The following KNDC1 variants were observed in gnomAD, a reference collection of about 807,000 sequenced individuals.
The protein encoded by KNDC1 is kinase non-catalytic C-lobe domain containing 1, also known as kinase non-catalytic C-lobe domain-containing protein 1.
In KNDC1, 106 loss-of-function variants were observed where a neutral mutation model predicts 172.8. The observed-to-expected ratio is 0.61, with a 90% CI of 0.52 to 0.72. The LOEUF is 0.72. Ranked by LOEUF, KNDC1 falls within the 30% of genes least tolerant of loss-of-function variation. The pLI is 0.00. For missense variants in KNDC1, 2,325 were observed against 2,394.5 expected (o/e 0.97, Z 0.61); for synonymous variants, 1,083 against 1,062.2 (o/e 1.02, Z -0.38).
Position 133,200,438 on chromosome 10 carries a change from G to A in KNDC1, c.2967G>A (p.Lys989=). ...GSQSPRSPSS[K]RPSLHRLGKE... The stretch of plus-strand genomic sequence containing the variant: ...AAAGCCCCCGCTCCCCGTCCAGCAA[G>A]AGGCCGTCGCTGCACCGCCTGGGTA... Residue 989 remains lysine, a synonymous_variant, in exon 16 of 30, where the codon AAG becomes AAA. Transcript: ENST00000304613. The A allele has an allele frequency of 6.3e-7, 1 of 1,592,524 alleles. No homozygotes were observed. The highest frequency in any genetic ancestry group is 8.5e-7 in the Non-Finnish European group (1 of 1,170,868).
chr10:133,197,759 C>A lies in KNDC1; in HGVS notation c.1897C>A (p.Pro633Thr), dbSNP rs765615993. ...GCCCAGTGTGGCACCAGCCCCAGAG[C>A]CCAGCCCAGGTGGGGACCTGACCAG... ...LKPSVAPAPE[P>T]SPGFLPVNSD... Residue 633 changes from proline (P) to threonine (T), a missense_variant, in exon 12 of 30, where the codon CCC (proline) becomes ACC (threonine). Physicochemically the swap from Pro to Thr is conservative, Grantham distance 38 (BLOSUM62 -1). Transcript: ENST00000304613. 6.2e-7 allele frequency: 1 copy of A among 1,611,612 alleles called. No homozygotes were observed. Among genetic ancestry groups the A allele is most frequent in the Non-Finnish European group, 8.5e-7 (1 of 1,179,514 alleles).
At chr10:133,197,600 G>A in intron 11 of KNDC1, 75 bp from the exon 12 acceptor site, 1 of 1,128,336 alleles carries the variant, frequency 8.9e-7, no homozygotes, top group Non-Finnish European at 1.3e-6. Flanking sequence ...GGGTGGTGGG[G>A]GACGCCCTGT....
At chr10:133,202,871 G>A (rs557356226) in intron 17 of KNDC1, among the ~76,000 whole-genome samples, 12 of 152,334 alleles carry the variant, frequency 7.9e-5, no homozygotes, top group Non-Finnish European at 1.8e-4. Context: ...GGCCTGAGGG[G>A]GCTTCGAGGA....
intron 29 of KNDC1, 74 bp downstream of exon 29, chr10:133,220,186 G>A (rs549812525): frequency 4.3e-5 from 51 of 1,197,998 alleles, no homozygotes; most frequent in Non-Finnish European, 5.7e-5. Flanking sequence ...GGAGAGGAGG[G>A]GCTCAGGCGG....
At chr10:133,202,889 G>T (rs553420230) in intron 17 of KNDC1, among the ~76,000 whole-genome samples, 1 of 152,220 alleles carries the variant, frequency 6.6e-6, no homozygotes, top group East Asian at 1.9e-4. Context: ...GGACGCAAAG[G>T]CCGCCCCCGG....
rs577407866 is a variant in KNDC1 at position 133,210,426 on chromosome 10, T to C, written c.3795-185T>C. Among the ~76,000 whole-genome samples, 3 of 150,470 alleles carry C rather than the reference T, an allele frequency of 2.0e-5. No individual in the cohort carries two copies. The South Asian group carries it at 6.3e-4, about 32-fold the overall frequency. On this transcript the variant is annotated intron_variant, in intron 20 of 29. Transcript: ENST00000304613. ...TGGAAGGCTGGAAGTAGTTGGGAAT[T>C]TCAAATGAAATTTGAAATTTGAGGG...
At position 133,171,010 on chromosome 10, in the gene KNDC1, G is replaced by A. The variant is rs117570380; in HGVS notation, c.360+2698G>A. ...GTCCTCTGCTGAAAAGTAGTTGCTC[G>A]ATTTTAATATAATCAAATGTTTTAA... is the stretch of plus-strand genomic sequence containing the variant. On this transcript the variant is annotated intron_variant, in intron 3 of 29. Transcript: ENST00000304613. 3.9e-5 allele frequency among the ~76,000 whole-genome samples: 6 copies of A among 152,340 alleles called. No homozygotes were observed. In the East Asian group the frequency reaches 5.8e-4, roughly 15 times the overall value.
At position 133,198,720 on chromosome 10, in the gene KNDC1, C is replaced by A; in HGVS notation, c.2212C>A (p.Pro738Thr). ...TPDGPVPGPGPQGAAPEPLGA... is the reference protein window; with the variant it reads ...TPDGPVPGPGTQGAAPEPLGA... The stretch of plus-strand genomic sequence containing the variant: ...TGACGGGCCGGTGCCTGGTCCGGGG[C>A]CACAGGGAGCAGCCCCAGAGCCTCT... Residue 738 changes from proline to threonine, a missense_variant, in exon 14 of 30, where the codon CCA (proline) becomes ACA (threonine). Transcript: ENST00000304613. 6.3e-7 allele frequency: 1 copy of A among 1,576,320 alleles called. No homozygotes were observed. The highest frequency in any genetic ancestry group is 8.6e-7 in the Non-Finnish European group (1 of 1,161,884).
intron 20 of KNDC1, among the ~76,000 whole-genome samples, chr10:133,207,923 C>G (rs910921744): frequency 6.6e-6 from 1 of 152,222 alleles, no homozygotes; most frequent in Non-Finnish European, 1.5e-5. Context: ...CTTGGCCCTT[C>G]ACCCACTCTG....
chr10:133,214,311 G>A (rs1368567015), intron 26 of KNDC1, among the ~76,000 whole-genome samples, 189 bp downstream of exon 26: 3 of 152,180 alleles, frequency 2.0e-5, no homozygotes, highest in Non-Finnish European at 2.9e-5. Flanking sequence ...ATCAGGAGGA[G>A]GGGGGTCAGC....
intron 3 of KNDC1, among the ~76,000 whole-genome samples, chr10:133,178,151 G>A (rs181935898): frequency 6.2e-4 from 94 of 150,462 alleles, no homozygotes; most frequent in African/African-American, 2.1e-3. Flanking sequence ...TATGTGTCAC[G>A]GGCACACGAG....
chr10:133,167,162 C>T, intron 1 of KNDC1: 1 of 583,582 alleles, frequency 1.7e-6, no homozygotes, highest in Non-Finnish European at 3.1e-6. Flanking sequence ...CTCTGGGCAG[C>T]ACGCCGACGG....
intron 3 of KNDC1, among the ~76,000 whole-genome samples, chr10:133,180,269 A>G (rs1001452914): frequency 6.6e-6 from 1 of 152,210 alleles, no homozygotes; most frequent in Non-Finnish European, 1.5e-5. Context: ...AAGCTTCCAG[A>G]AGGCAGAAAT....
chr10:133,210,972 C>T (rs990268674), intron 21 of KNDC1, among the ~76,000 whole-genome samples: 4 of 152,002 alleles, frequency 2.6e-5, no homozygotes, highest in East Asian at 1.9e-4. Context: ...CTGGGGGAGT[C>T]GGGGTCTCTT....
In KNDC1 at chr10:133,188,673, A is replaced by G. The variant is rs1476608164; in HGVS notation, c.1441+20A>G. The G allele has an allele frequency of 1.5e-6, 2 of 1,300,576 alleles. No individual in the cohort carries two copies. 80.6% of individuals were successfully genotyped at this position (1,300,576 alleles called of 1,614,324 possible). A position where few individuals can be genotyped will look rare whatever the true frequency, so the allele number is the denominator to read the frequency against. On this transcript the variant is annotated intron_variant, in intron 7 of 29. Coordinates refer to ENST00000304613, the MANE Select transcript of KNDC1 (RefSeq NM_152643.8). ...ACCCAGGTGACGCACGCACCATCCC[A>G]TCCCCCCCGCCGTCCCCACCCCCCA...
At chr10:133,219,439 G>A (rs1405084260) in intron 28 of KNDC1, among the ~76,000 whole-genome samples, 1 of 152,266 alleles carries the variant, frequency 6.6e-6, no homozygotes, top group African/African-American at 2.4e-5. Flanking sequence ...TGATGAACAA[G>A]GAATTGCTGC....
intron 3 of KNDC1, among the ~76,000 whole-genome samples, chr10:133,182,744 A>G (rs370773975): frequency 6.6e-6 from 1 of 152,288 alleles, no homozygotes; most frequent in East Asian, 1.9e-4. Context: ...CTGAAAGGCC[A>G]GAGGAGTCTG....
intron 1 of KNDC1, among the ~76,000 whole-genome samples, chr10:133,161,806 G>C (rs11101596): frequency 0.28 from 43,294 of 151,960 alleles, 6,273 homozygotes; most frequent in Admixed American, 0.33. Context: ...GTTAGGAGGC[G>C]GCCCTGAGGA....
intron 2 of KNDC1, 84 bp downstream of exon 2, chr10:133,167,663 CGG>C: frequency 7.2e-7 from 1 of 1,392,772 alleles, no homozygotes; most frequent in Non-Finnish European, 9.8e-7. Flanking sequence ...CTGGCTCTGC[CGG>C]AGCAGATGCT....
Sources: gnomAD v4.1 joint callset for allele counts (sites outside exome capture counted in the v4.1 genomes callset) on GRCh38, gnomAD v4.1.1 for gene constraint, MANE v1.5 for transcripts, NCBI Gene and HGNC (gene_info 2026-07-23, HGNC 2026-07-21) for gene names.